COLQ: variants seen among roughly 807,000 people sequenced by gnomAD.
COLQ encodes acetylcholinesterase collagenic tail peptide.
COLQ carries 48 observed loss-of-function variants against 69.0 expected under a neutral mutation model. That is an observed-to-expected ratio of 0.70 (90% CI 0.55 to 0.88). COLQ has a LOEUF of 0.88. Ranked by LOEUF, COLQ falls within the 40% of genes least tolerant of loss-of-function variation. The probability of loss-of-function intolerance (pLI) is 0.00; values close to 1 mark genes in which losing one functional copy is unlikely to be tolerated. For missense variants in COLQ, 618 were observed against 594.6 expected (o/e 1.04, Z -0.41); for synonymous variants, 217 against 211.2 (o/e 1.03, Z -0.24).
intron 10 of COLQ, among the ~76,000 whole-genome samples, chr3:15,472,709 A>G (rs565778938): frequency 9.2e-5 from 14 of 152,158 alleles, no homozygotes; most frequent in African/African-American, 3.4e-4. Flanking sequence ...CTTCTTCCCC[A>G]ACCCTAACCC....
chr3:15,498,939 G>T, intron 1 of COLQ: 1 of 1,194,024 alleles, frequency 8.4e-7, no homozygotes, highest in South Asian at 1.9e-5. Flanking sequence ...AATCAAACAG[G>T]CTGCTTTTCA....
chr3:15,475,119 G>A, intron 7 of COLQ, 168 bp from the exon 8 acceptor site: 1 of 771,146 alleles, frequency 1.3e-6, no homozygotes, highest in South Asian at 1.5e-5. Flanking sequence ...GAGGGTTGTG[G>A]TTATACCAGG....
intron 4 of COLQ, 31 bp from the exon 5 acceptor site, chr3:15,479,034 C>G (rs775488691): frequency 6.2e-7 from 1 of 1,614,122 alleles, no homozygotes; most frequent in Non-Finnish European, 8.5e-7. Context: ...TAAGGAGAGG[C>G]TGCTTTGGAA....
intron 11 of COLQ, among the ~76,000 whole-genome samples, chr3:15,468,526 G>A (rs1204329512): frequency 6.6e-6 from 1 of 151,988 alleles, no homozygotes; most frequent in Non-Finnish European, 1.5e-5. Context: ...GAGGTGGGAT[G>A]TCACTGTATG....
intron 1 of COLQ, among the ~76,000 whole-genome samples, chr3:15,500,781 G>T (rs2062819650): frequency 6.6e-6 from 1 of 152,096 alleles, no homozygotes; most frequent in Non-Finnish European, 1.5e-5. Context: ...TTTAATTTAA[G>T]TCAAATTTCT....
rs201876301 is a variant in COLQ, at chr3:15,465,232, T to TTTTATTTATTTA, written c.814+1108_814+1109insTAAATAAATAAA. 1.8e-3 allele frequency among the ~76,000 whole-genome samples: 257 copies of TTTTATTTATTTA among 141,588 alleles called. 2 individuals carry two copies. Among genetic ancestry groups the TTTTATTTATTTA allele is most frequent in the African/African-American group, 4.4e-3 (165 of 37,828 alleles). The allele number at this position is 141,588 out of a possible 152,430, so 92.9% of individuals were successfully genotyped here. ...CCCTTCTCAATAACAGACTTTATAT[T>TTTTATTTATTTA]TTGATTTATTTATTTATTTATTTAT... On this transcript the variant is annotated intron_variant, in intron 12 of 16. Transcript: ENST00000383788.
chr3:15,453,804 A>T (rs2061984134), intron 16 of COLQ, 25 bp downstream of exon 16: 1 of 1,401,350 alleles, frequency 7.1e-7, no homozygotes, highest in African/African-American at 1.4e-5. Context: ...GAAGGGGGAG[A>T]GGGAGGGAGG....
At chr3:15,483,236 A>T (rs992712519) in intron 3 of COLQ, among the ~76,000 whole-genome samples, 3 of 151,744 alleles carry the variant, frequency 2.0e-5, no homozygotes, top group Admixed American at 2.0e-4. Flanking sequence ...GATCTTAGTT[A>T]TTTCTTGCCT....
chr3:15,479,513 CA>C, intron 3 of COLQ, 131 bp from the exon 4 acceptor site: 1 of 879,072 alleles, frequency 1.1e-6, no homozygotes, highest in Non-Finnish European at 1.9e-6. Flanking sequence ...TCCAGGGACC[CA>C]TGGAGGCTTT....
chr3:15,510,858 A>AGAAGGAAGGAAGGAAGGAAGGAAG (rs10546993), intron 1 of COLQ, among the ~76,000 whole-genome samples: 3 of 146,714 alleles, frequency 2.0e-5, no homozygotes, highest in East Asian at 4.1e-4. Flanking sequence ...GAGGAAGGAA[A>AGAAGGAAGGAAGGAAGGAAGGAAG]GAAGGAAGGA....
chr3:15,478,327 A>C (rs2062417442), intron 5 of COLQ, among the ~76,000 whole-genome samples: 1 of 150,868 alleles, frequency 6.6e-6, no homozygotes, highest in Admixed American at 6.6e-5. Context: ...ACCATTTAAC[A>C]ATAAATATAG....
chr3:15,495,738 A>G (rs1030108623), intron 1 of COLQ, among the ~76,000 whole-genome samples: 10 of 152,144 alleles, frequency 6.6e-5, no homozygotes, highest in African/African-American at 2.4e-4. Context: ...ATATGGATAC[A>G]TTGTTCCCGA....
intron 1 of COLQ, among the ~76,000 whole-genome samples, chr3:15,514,567 G>A (rs760394642): frequency 6.6e-6 from 1 of 152,096 alleles, no homozygotes; most frequent in Non-Finnish European, 1.5e-5. Context: ...ATGCAACCTG[G>A]GTGCATATTC....
intron 1 of COLQ, among the ~76,000 whole-genome samples, chr3:15,501,123 GC>G (rs1403336232): frequency 6.0e-4 from 92 of 152,198 alleles, no homozygotes; most frequent in Non-Finnish European, 1.1e-3. Context: ...GTTCACCACG[GC>G]AAGAGCTGCC....
chr3:15,475,430 A>G lies in COLQ; in HGVS notation c.523T>C (p.Ser175Pro), dbSNP rs757056994. The change falls in exon 7 of 17, where the codon TCC becomes CCC. Residue 175 changes from serine to proline, a missense_variant. By Grantham distance (74) the Ser-to-Pro change is moderately conservative. Transcript: ENST00000383788. Reference protein sequence around the residue: ...GLPGSRGPMGSKGYPGSRGEK... With the variant: ...GLPGSRGPMGPKGYPGSRGEK... The stretch of plus-strand genomic sequence containing the variant: ...CATTTGGACCCCACACTGACCTTGG[A>G]GCCCATTGGTCCTCTTGACCCTGGC... The G allele has an allele frequency of 6.3e-7, 1 of 1,598,056 alleles. No homozygotes were observed. The highest frequency in any genetic ancestry group is 8.5e-7 in the Non-Finnish European group (1 of 1,171,330).
chr3:15,481,478 C>T (rs903820018), intron 3 of COLQ, among the ~76,000 whole-genome samples: 1 of 152,186 alleles, frequency 6.6e-6, no homozygotes, highest in African/African-American at 2.4e-5. Context: ...GGAATCCTTT[C>T]CCCATTTCTT....
chr3:15,465,555 C>T (rs954605547), intron 12 of COLQ, among the ~76,000 whole-genome samples: 7 of 150,554 alleles, frequency 4.6e-5, no homozygotes, highest in African/African-American at 9.8e-5. Flanking sequence ...CGTGACCCAC[C>T]GCGCCCAGCC....
intron 10 of COLQ, among the ~76,000 whole-genome samples, chr3:15,471,970 T>C (rs2168429): frequency 0.026 from 2,814 of 109,470 alleles, 81 homozygotes; most frequent in African/African-American, 0.085. Context: ...ACAAGCAGCA[T>C]TTTTTTTTTT....
Position 15,510,550 on chromosome 3 carries a change from A to C in COLQ, c.106+10970T>G, listed in dbSNP as rs118076532. On this transcript the variant is annotated intron_variant, in intron 1 of 16. Coordinates refer to ENST00000383788, the MANE Select transcript of COLQ (RefSeq NM_005677.4). ...TGGCAAAACCCTGTCTCTACAAAAA[A>C]TACAAAACTTGGCTGGTTATGGTGG... Among the ~76,000 whole-genome samples the C allele has an allele frequency of 3.9e-4, 60 of 151,976 alleles. 4 individuals carry two copies. In the East Asian group the frequency reaches 0.012, roughly 30 times the overall value.
Sources: gnomAD v4.1 joint callset for allele counts (sites outside exome capture counted in the v4.1 genomes callset) on GRCh38, gnomAD v4.1.1 for gene constraint, MANE v1.5 for transcripts, NCBI Gene and HGNC (gene_info 2026-07-23, HGNC 2026-07-21) for gene names.